SMAD5: variants seen among roughly 807,000 people sequenced by gnomAD.
The protein encoded by SMAD5 is MAD, mothers against decapentaplegic homolog 5.
SMAD5 carries 9 observed loss-of-function variants against 43.1 expected under a neutral mutation model. That is an observed-to-expected ratio of 0.21 (90% CI 0.13 to 0.36). The LOEUF is 0.36. SMAD5 is among the 10% of genes least tolerant of loss of function. SMAD5 has a pLI of 1.00. For synonymous variants in SMAD5, 190 were observed against 192.4 expected, an observed-to-expected ratio of 0.99 and a Z score of 0.10; for missense variants, 348 against 574.0, an observed-to-expected ratio of 0.61 and a Z score of 4.02.
At chr5:136,137,017 ATTTTTT>A (rs60239443) in intron 1 of SMAD5, among the ~76,000 whole-genome samples, 2 of 109,012 alleles carry the variant, frequency 1.8e-5, no homozygotes. Flanking sequence ...TTTAGTTTTG[ATTTTTT>A]TTTTTTTTTT....
chr5:136,174,180 C>T (rs909785620), intron 6 of SMAD5, among the ~76,000 whole-genome samples, 196 bp from the exon 7 acceptor site: 1 of 151,912 alleles, frequency 6.6e-6, no homozygotes, highest in African/African-American at 2.4e-5. Flanking sequence ...CTATTTGAGG[C>T]TTCTCTTGTA....
intron 1 of SMAD5, among the ~76,000 whole-genome samples, chr5:136,137,401 G>C (rs777900216): frequency 2.6e-5 from 4 of 151,370 alleles, no homozygotes; most frequent in Non-Finnish European, 4.4e-5. Context: ...ATGTTGTTTT[G>C]TTATACCGAA....
At position 136,153,898 on chromosome 5, in the gene SMAD5, G is replaced by C; in HGVS notation, c.138G>C (p.Lys46Asn). Reference sequence around the variant, plus strand: ...TGGTGAAGAAACTAAAAAAGAAAAAGGGTGCCATGGAGGAACTGGAGAAAG... The same window carrying C: ...TGGTGAAGAAACTAAAAAAGAAAAACGGTGCCATGGAGGAACTGGAGAAAG... Reference protein sequence around the residue: ...DALVKKLKKKKGAMEELEKAL... With the variant: ...DALVKKLKKKNGAMEELEKAL... Residue 46 changes from lysine to asparagine, a missense_variant, in exon 3 of 8, where the codon AAG becomes AAC. Coordinates refer to ENST00000545279, the MANE Select transcript of SMAD5 (RefSeq NM_005903.7). 3 of 1,614,036 alleles carry C rather than the reference G, an allele frequency of 1.9e-6. No homozygotes were observed. Among genetic ancestry groups the C allele is most frequent in the Non-Finnish European group, 2.5e-6 (3 of 1,179,934 alleles).
intron 1 of SMAD5, among the ~76,000 whole-genome samples, chr5:136,142,900 G>A (rs1378338414): frequency 6.6e-6 from 1 of 152,110 alleles, no homozygotes; most frequent in Non-Finnish European, 1.5e-5. Flanking sequence ...AGATCTTACA[G>A]AGATTATGGT....
In SMAD5 at chr5:136,177,435, T is replaced by C. The variant is rs1293234859; in HGVS notation, c.1353T>C (p.Leu451=). ...CTCTTCAGTGGCTGGATAAAGTCCT[T>C]ACTCAGATGGGCTCCCCTCTGAACC... is the stretch of plus-strand genomic sequence containing the variant. ...HGPLQWLDKV[L]TQMGSPLNPI... The change falls in exon 8 of 8, where the codon CTT becomes CTC. Residue 451 remains leucine, a synonymous_variant. Transcript: ENST00000545279. 2 of 1,612,656 alleles carry C rather than the reference T, an allele frequency of 1.2e-6. No homozygotes were observed. Among genetic ancestry groups the C allele is most frequent in the Non-Finnish European group, 1.7e-6 (2 of 1,179,090 alleles).
At chr5:136,167,777 CAAA>C (rs1016927753) in intron 5 of SMAD5, among the ~76,000 whole-genome samples, 6 of 56,374 alleles carry the variant, frequency 1.1e-4, no homozygotes, top group East Asian at 5.4e-4. Context: ...GATTCCATCT[CAAA>C]AAAAAAAAAA....
chr5:136,159,837 G>A (rs759679460), intron 3 of SMAD5, among the ~76,000 whole-genome samples: 16 of 152,228 alleles, frequency 1.1e-4, no homozygotes, highest in Non-Finnish European at 2.9e-5. Context: ...GGATTGTTGT[G>A]TACATCCCTA....
intron 4 of SMAD5, 123 bp downstream of exon 4, chr5:136,161,230 ATTC>A (rs1753817649): frequency 1.2e-6 from 1 of 822,898 alleles, no homozygotes; most frequent in Non-Finnish European, 1.9e-6. Flanking sequence ...CTGACTCTTT[ATTC>A]TTTAGGTAAT....
Position 136,181,141 on chromosome 5 carries a change from T to C in SMAD5, c.*3661T>C, listed in dbSNP as rs536560456. The C allele has an allele frequency of 2.0e-5, 3 of 152,266 alleles. No individual in the cohort carries two copies. In the South Asian group the frequency reaches 6.2e-4, roughly 32 times the overall value. The allele number at this position is 152,266 out of a possible 1,614,324, so 9.4% of individuals were successfully genotyped here. ...AATTTAGATCTATTTCTTTATACTT[T>C]TTCTAATCAATTGCTTAATAGTACT... On this transcript the variant is annotated 3_prime_UTR_variant, in exon 8 of 8. Transcript: ENST00000545279.
At chr5:136,159,096 A>G (rs1373152659) in intron 3 of SMAD5, among the ~76,000 whole-genome samples, 1 of 152,184 alleles carries the variant, frequency 6.6e-6, no homozygotes, top group African/African-American at 2.4e-5. Flanking sequence ...TTGTTCAAGA[A>G]AAAGTAGACT....
Position 136,177,728 on chromosome 5 carries a change from G to T in SMAD5, c.*248G>T. ...GTATTATGCCCCAGTTCAGAAATTT[G>T]GCATTGATCTTAAACTGGAACATGC... On this transcript the variant is annotated 3_prime_UTR_variant, in exon 8 of 8. Transcript: ENST00000545279. 3 of 368,970 alleles carry T rather than the reference G, an allele frequency of 8.1e-6. No individual in the cohort carries two copies. The highest frequency in any genetic ancestry group is 6.0e-5 in the South Asian group (1 of 16,578). 22.9% of individuals were successfully genotyped at this position (368,970 alleles called of 1,614,324 possible).
intron 5 of SMAD5, 100 bp downstream of exon 5, chr5:136,163,491 C>A: frequency 5.0e-6 from 5 of 992,322 alleles, no homozygotes; most frequent in Non-Finnish European, 5.5e-6. Flanking sequence ...AATTTATATG[C>A]TATAAAATTT....
At chr5:136,164,235 A>T (rs565398444) in intron 5 of SMAD5, among the ~76,000 whole-genome samples, 1 of 152,246 alleles carries the variant, frequency 6.6e-6, no homozygotes, top group African/African-American at 2.4e-5. Flanking sequence ...CTTTTTGTGG[A>T]TATTGTTTTA....
intron 1 of SMAD5, among the ~76,000 whole-genome samples, chr5:136,136,092 A>G (rs529368671): frequency 1.3e-5 from 2 of 151,666 alleles, no homozygotes; most frequent in East Asian, 1.9e-4. Flanking sequence ...AGAATATTCT[A>G]GAGAAAAGAA....
At chr5:136,164,262 A>G (rs1374906303) in intron 5 of SMAD5, among the ~76,000 whole-genome samples, 1 of 152,222 alleles carries the variant, frequency 6.6e-6, no homozygotes, top group East Asian at 1.9e-4. Flanking sequence ...TTGGATAGAT[A>G]TCTAGGAGTG....
At position 136,172,054 on chromosome 5, in the gene SMAD5, T is replaced by A. The variant is rs540925429; in HGVS notation, c.776-380T>A. ...TATGAGCACACAGTGAGAAAGCAGC[T>A]GTCTGCAAGCCAGGAAGCAGGTCCT... On this transcript the variant is annotated intron_variant, in intron 5 of 7. Coordinates refer to ENST00000545279, the MANE Select transcript of SMAD5 (RefSeq NM_005903.7). Among the ~76,000 whole-genome samples the A allele has an allele frequency of 7.9e-5, 12 of 152,330 alleles. No individual in the cohort carries two copies. The South Asian group carries it at 2.5e-3, about 32-fold the overall frequency.
chr5:136,143,268 T>C (rs959462487), intron 1 of SMAD5, among the ~76,000 whole-genome samples: 5 of 147,408 alleles, frequency 3.4e-5, no homozygotes, highest in African/African-American at 9.9e-5. Context: ...TCGTATCTCT[T>C]TTTTTTTTTT....
At chr5:136,164,699 G>A (rs980765336) in intron 5 of SMAD5, among the ~76,000 whole-genome samples, 1 of 152,006 alleles carries the variant, frequency 6.6e-6, no homozygotes, top group African/African-American at 2.4e-5. Context: ...GTCTTTTTGA[G>A]GGTAATAGCT....
intron 2 of SMAD5, among the ~76,000 whole-genome samples, chr5:136,152,110 A>G (rs913171070): frequency 5.3e-5 from 8 of 152,146 alleles, no homozygotes; most frequent in Admixed American, 1.3e-4. Context: ...TCCATACATA[A>G]GGAGGATATC....
Sources: allele counts gnomAD v4.1 joint callset (sites outside exome capture counted in the v4.1 genomes callset), GRCh38; gene constraint gnomAD v4.1.1; transcripts MANE v1.5; gene names NCBI Gene and HGNC (gene_info 2026-07-23, HGNC 2026-07-21).